Variants in PHLDB2 observed in about 807,000 individuals in gnomAD.
The protein encoded by PHLDB2 is pleckstrin homology like domain family B member 2.
In PHLDB2, 71 loss-of-function variants were observed where a neutral mutation model predicts 123.6. That is an observed-to-expected ratio of 0.57 (90% CI 0.47 to 0.70). PHLDB2 has a LOEUF of 0.70. Among genes scored for constraint, PHLDB2 ranks in the 30% least tolerant of loss-of-function variants. The pLI, the probability that PHLDB2 is intolerant of heterozygous loss-of-function variation, is 0.00. For missense variants in PHLDB2, 1,446 were observed against 1,519.5 expected (o/e 0.95, Z 0.80); for synonymous variants, 547 against 541.6 (o/e 1.01, Z -0.14).
chr3:111,789,173 C>A (rs537418498), intron 1 of PHLDB2, among the ~76,000 whole-genome samples: 4 of 152,328 alleles, frequency 2.6e-5, no homozygotes, highest in African/African-American at 9.6e-5. Context: ...TCAAAGAGGT[C>A]TCTGCTAAAC....
intron 1 of PHLDB2, among the ~76,000 whole-genome samples, chr3:111,820,796 T>C (rs2062336805): frequency 6.6e-6 from 1 of 152,260 alleles, no homozygotes; most frequent in African/African-American, 2.4e-5. Context: ...AATGAGGCTC[T>C]ATAAATGTGA....
At chr3:111,737,115 C>T (rs982710526) in intron 1 of PHLDB2, among the ~76,000 whole-genome samples, 2 of 152,180 alleles carry the variant, frequency 1.3e-5, no homozygotes, top group Non-Finnish European at 2.9e-5. Context: ...CAGAAACCAG[C>T]TACAGTTACA....
chr3:111,816,434 G>A (rs569347169), intron 1 of PHLDB2, among the ~76,000 whole-genome samples: 131 of 152,338 alleles, frequency 8.6e-4, no homozygotes, highest in South Asian at 7.2e-3. Flanking sequence ...TTGCATCAGC[G>A]TGACCTGGAT....
At chr3:111,961,402 A>G (rs759772766) in intron 12 of PHLDB2, among the ~76,000 whole-genome samples, 3 of 152,176 alleles carry the variant, frequency 2.0e-5, no homozygotes, top group Non-Finnish European at 4.4e-5. Context: ...ACATTTTCAA[A>G]TGGTTGTTAT....
intron 9 of PHLDB2, among the ~76,000 whole-genome samples, chr3:111,945,849 C>G (rs2070266131): frequency 1.3e-5 from 2 of 151,894 alleles, no homozygotes; most frequent in South Asian, 4.2e-4. Flanking sequence ...CTGCCATTTT[C>G]CCCTCTAAAC....
At position 111,969,486 on chromosome 3, in the gene PHLDB2, C is replaced by G. The variant is rs545580761; in HGVS notation, c.3316-204C>G. On this transcript the variant is annotated intron_variant, in intron 15 of 17. Coordinates refer to ENST00000431670, the MANE Select transcript of PHLDB2 (RefSeq NM_001134438.2). ...AATTGTCCTGAGTTTATCTGCCTCT[C>G]CCCTACATATTACAGCATCTTTCTG... Among the ~76,000 whole-genome samples the G allele has an allele frequency of 5.3e-5, 8 of 152,340 alleles. No individual in the cohort carries two copies. The South Asian group carries it at 1.7e-3, about 32-fold the overall frequency.
chr3:111,966,510 T>A, intron 13 of PHLDB2, 103 bp from the exon 14 acceptor site: 1 of 553,884 alleles, frequency 1.8e-6, no homozygotes, highest in South Asian at 2.7e-5. Flanking sequence ...CATGTGTGTG[T>A]GTGTGTGTGT....
intron 1 of PHLDB2, chr3:111,779,981 C>T (rs2108080635): frequency 1.9e-6 from 1 of 539,886 alleles, no homozygotes; most frequent in South Asian, 8.0e-5. Context: ...AGGACTCTGA[C>T]ATGTGTCTAT....
At chr3:111,923,975 G>T (rs1282965) in intron 5 of PHLDB2, among the ~76,000 whole-genome samples, 132,598 of 152,212 alleles carry the variant, frequency 0.87, 57,911 homozygotes, top group East Asian at 0.91. Flanking sequence ...TCCAAATTCC[G>T]TAGTGTGATC....
intron 9 of PHLDB2, among the ~76,000 whole-genome samples, chr3:111,946,870 C>T (rs2107619396): frequency 6.6e-6 from 1 of 152,250 alleles, no homozygotes; most frequent in Non-Finnish European, 1.5e-5. Context: ...GAGATTACTG[C>T]AGTAGCATAG....
chr3:111,915,041 T>A (rs923026838), intron 3 of PHLDB2: 1 of 152,166 alleles, frequency 6.6e-6, no homozygotes, highest in Non-Finnish European at 1.5e-5. Context: ...AAAATTAGAA[T>A]AACAAAAATA....
intron 2 of PHLDB2, among the ~76,000 whole-genome samples, chr3:111,892,031 C>CATAAATCGT (rs2066528339): frequency 6.6e-6 from 1 of 152,134 alleles, no homozygotes; most frequent in East Asian, 1.9e-4. Context: ...GTCTGTAGTG[C>CATAAATCGT]CTTGGTAAAT....
Position 111,967,708 on chromosome 3 carries a change from C to T in PHLDB2, c.3199C>T (p.Leu1067=), listed in dbSNP as rs778399342. The change falls in exon 15 of 18, where the codon CTG becomes TTG. Residue 1067 remains leucine (L), a synonymous_variant. Transcript: ENST00000431670. The stretch of plus-strand genomic sequence containing the variant: ...GGAAATGGAAGCCAAAAAACGAGCC[C>T]TGGAAGAAGAAAAACGACGCCGGGA... ...EREMEAKKRA[L]EEEKRRREIL... The T allele has an allele frequency of 5.0e-6, 8 of 1,610,972 alleles. No individual in the cohort carries two copies. The highest frequency in any genetic ancestry group is 1.3e-5 in the African/African-American group (1 of 74,654).
At chr3:111,842,615 C>T (rs1340811422) in intron 1 of PHLDB2, among the ~76,000 whole-genome samples, 1 of 152,116 alleles carries the variant, frequency 6.6e-6, no homozygotes, top group Non-Finnish European at 1.5e-5. Flanking sequence ...TGAGATATAA[C>T]TCACAGACCA....
chr3:111,964,845 G>A (rs932434550), intron 13 of PHLDB2, among the ~76,000 whole-genome samples: 3 of 152,058 alleles, frequency 2.0e-5, no homozygotes, highest in Admixed American at 6.6e-5. Flanking sequence ...GGGATAAATG[G>A]GGATTAGGCT....
At chr3:111,814,937 T>G (rs911609181) in intron 1 of PHLDB2, among the ~76,000 whole-genome samples, 2 of 152,176 alleles carry the variant, frequency 1.3e-5, no homozygotes, top group Admixed American at 1.3e-4. Flanking sequence ...CCACGTAGTG[T>G]GGGAGGAACC....
chr3:111,804,358 A>C (rs576465038), intron 1 of PHLDB2, among the ~76,000 whole-genome samples: 16 of 152,350 alleles, frequency 1.1e-4, no homozygotes, highest in African/African-American at 3.8e-4. Flanking sequence ...TCTTCCCTTC[A>C]TCATCTCTTA....
At chr3:111,958,226 T>C (rs1346835500) in intron 12 of PHLDB2, 3 of 975,774 alleles carry the variant, frequency 3.1e-6, no homozygotes, top group Non-Finnish European at 3.7e-6. Flanking sequence ...TCCCTCTTCA[T>C]TCCTGACTTG....
chr3:111,891,025 G>A (rs139478168), intron 2 of PHLDB2, among the ~76,000 whole-genome samples: 1 of 152,262 alleles, frequency 6.6e-6, no homozygotes, highest in East Asian at 1.9e-4. Context: ...AGCACATGAA[G>A]TGTGTGCTCT....
Sources: allele counts gnomAD v4.1 joint callset (sites outside exome capture counted in the v4.1 genomes callset), GRCh38; gene constraint gnomAD v4.1.1; transcripts MANE v1.5; gene names NCBI Gene and HGNC (gene_info 2026-07-23, HGNC 2026-07-21).